The following PCDH11X variants were observed in gnomAD, a reference collection of about 807,000 sequenced individuals.
PCDH11X encodes the protein protocadherin-11 X-linked.
A neutral mutation model predicts 53.3 loss-of-function variants in PCDH11X; 18 were observed. The ratio of observed to expected loss-of-function variants is 0.34; its 90% CI spans 0.23 to 0.50. PCDH11X has a LOEUF of 0.50. Ranked by LOEUF, PCDH11X falls within the 20% of genes least tolerant of loss-of-function variation. PCDH11X has a pLI of 0.98. For missense variants in PCDH11X, 570 were observed against 1,032.4 expected, an observed-to-expected ratio of 0.55 and a Z score of 6.14; for synonymous variants, 279 against 393.3, an observed-to-expected ratio of 0.71 and a Z score of 3.44.
intron 7 of PCDH11X, among the ~76,000 whole-genome samples, chrX:92,214,351 A>G (rs2066647190): frequency 8.9e-6 from 1 of 111,900 alleles, no homozygotes; most frequent in Non-Finnish European, 1.9e-5. Flanking sequence ...TCATGTGATC[A>G]ATGATGATAC....
chrX:91,819,743 C>T (rs1230880843), intron 4 of PCDH11X, among the ~76,000 whole-genome samples: 1 of 100,211 alleles, frequency 1.0e-5, no homozygotes, highest in African/African-American at 3.7e-5. Context: ...CATACGTATA[C>T]ATGTGCCATG....
chrX:91,948,233 A>G lies in PCDH11X; in HGVS notation c.3033+68960A>G, dbSNP rs763770114. Among the ~76,000 whole-genome samples the G allele has an allele frequency of 6.4e-5, 7 of 109,899 alleles. No homozygotes were observed. In the East Asian group the frequency reaches 1.5e-3, roughly 23 times the overall value. ...AACCTTAAGTCAACATTTTCCCTTT[A>G]AAAAAAGAAATGCTATTTAAAATTG... On this transcript the variant is annotated intron_variant, in intron 6 of 10. Transcript: ENST00000682573.
At chrX:92,134,404 A>G (rs1219876592) in intron 6 of PCDH11X, among the ~76,000 whole-genome samples, 2 of 111,295 alleles carry the variant, frequency 1.8e-5, no homozygotes, top group Non-Finnish European at 3.8e-5. Flanking sequence ...GGGTCCCAAG[A>G]TTTCTTTTCC....
chrX:92,521,224 A>G (rs1473228126), intron 10 of PCDH11X, among the ~76,000 whole-genome samples: 2 of 112,065 alleles, frequency 1.8e-5, no homozygotes, highest in African/African-American at 6.5e-5. Context: ...TACCCATGGA[A>G]AATATATTTA....
intron 10 of PCDH11X, among the ~76,000 whole-genome samples, chrX:92,594,847 TTTG>T (rs1353268351): frequency 1.1e-5 from 1 of 87,251 alleles, no homozygotes. Flanking sequence ...TGCTATTTTT[TTTG>T]TTTGTTTGTT....
At chrX:92,481,284 T>TCA (rs200803839) in intron 10 of PCDH11X, among the ~76,000 whole-genome samples, 16,400 of 92,428 alleles carry the variant, frequency 0.18, 1,229 homozygotes, top group East Asian at 0.48. Flanking sequence ...AGGGCAGGGT[T>TCA]CACACACACA....
chrX:92,010,775 T>C (rs930784587), intron 6 of PCDH11X, among the ~76,000 whole-genome samples: 2 of 109,677 alleles, frequency 1.8e-5, no homozygotes, highest in Admixed American at 2.0e-4. Flanking sequence ...AGGTCTCTTA[T>C]ATGGGTAAAT....
chrX:92,617,318 A>C (rs891279490), intron 10 of PCDH11X, among the ~76,000 whole-genome samples: 2 of 111,532 alleles, frequency 1.8e-5, no homozygotes, highest in Admixed American at 9.5e-5. Context: ...TTTTCCATCA[A>C]GTTCTAAGGA....
intron 6 of PCDH11X, among the ~76,000 whole-genome samples, chrX:91,884,366 C>T (rs6652614): frequency 0.11 from 12,507 of 109,729 alleles, 1,751 homozygotes; most frequent in African/African-American, 0.39. Flanking sequence ...TCTTATATTA[C>T]GAAACATAAT....
chrX:92,071,607 G>C (rs1350695606), intron 6 of PCDH11X, among the ~76,000 whole-genome samples: 1 of 110,457 alleles, frequency 9.1e-6, no homozygotes, highest in African/African-American at 3.3e-5. Flanking sequence ...TCCTTATAGG[G>C]AAGACTTTCT....
intron 7 of PCDH11X, among the ~76,000 whole-genome samples, chrX:92,207,385 A>T (rs1333053143): frequency 9.0e-6 from 1 of 111,600 alleles, no homozygotes; most frequent in Non-Finnish European, 1.9e-5. Flanking sequence ...CCTTCCCCTG[A>T]TTCATGGCAA....
At chrX:92,340,622 G>A (rs750655959) in intron 8 of PCDH11X, among the ~76,000 whole-genome samples, 4 of 111,938 alleles carry the variant, frequency 3.6e-5, no homozygotes, top group Admixed American at 9.4e-5. Context: ...AGCTGAGACT[G>A]GAAACAAAGC....
chrX:92,254,870 A>G (rs1254413483), intron 7 of PCDH11X, among the ~76,000 whole-genome samples: 1 of 107,343 alleles, frequency 9.3e-6, no homozygotes, highest in Non-Finnish European at 1.9e-5. Flanking sequence ...GGCTGCCCTT[A>G]ACATTTTTTC....
At chrX:92,258,477 C>T (rs1347454930) in intron 7 of PCDH11X, among the ~76,000 whole-genome samples, 1 of 108,767 alleles carries the variant, frequency 9.2e-6, no homozygotes, top group Non-Finnish European at 1.9e-5. Flanking sequence ...ATGCCATTCT[C>T]CTGCCTCAGC....
intron 10 of PCDH11X, among the ~76,000 whole-genome samples, chrX:92,469,563 A>AT (rs764951590): frequency 8.1e-5 from 9 of 111,252 alleles, no homozygotes; most frequent in South Asian, 7.4e-4. Context: ...CATTGATTTG[A>AT]TTTTTTTGTG....
chrX:92,256,450 G>A (rs907599918), intron 7 of PCDH11X, among the ~76,000 whole-genome samples: 6 of 111,593 alleles, frequency 5.4e-5, no homozygotes, highest in Non-Finnish European at 9.4e-5. Flanking sequence ...TTCCTATTCG[G>A]CCATCTTGGC....
intron 6 of PCDH11X, among the ~76,000 whole-genome samples, chrX:91,946,236 C>T (rs930767048): frequency 9.3e-6 from 1 of 108,073 alleles, no homozygotes; most frequent in African/African-American, 3.3e-5. Flanking sequence ...AATCACATAT[C>T]TTGGAAGTGC....
chrX:91,982,169 G>T, intron 6 of PCDH11X, among the ~76,000 whole-genome samples: 1 of 110,578 alleles, frequency 9.0e-6, no homozygotes, highest in Admixed American at 9.7e-5. Context: ...AGACCTTTTG[G>T]TGTAAAAGAG....
chrX:92,179,574 T>C (rs754254072), intron 6 of PCDH11X, among the ~76,000 whole-genome samples: 4 of 112,073 alleles, frequency 3.6e-5, no homozygotes, highest in African/African-American at 9.7e-5. Flanking sequence ...ATGAAAATGT[T>C]CAGTTTCATT....
Sources: allele counts gnomAD v4.1 joint callset (sites outside exome capture counted in the v4.1 genomes callset), GRCh38; gene constraint gnomAD v4.1.1; transcripts MANE v1.5; gene names NCBI Gene and HGNC (gene_info 2026-07-23, HGNC 2026-07-21).